The following KIF19 variants were observed in gnomAD, a reference collection of about 807,000 sequenced individuals.
The protein encoded by KIF19 is kinesin-like protein KIF19.
KIF19 carries 98 observed loss-of-function variants against 106.6 expected under a neutral mutation model. That is an observed-to-expected ratio of 0.92 (90% CI 0.78 to 1.09). KIF19 has a LOEUF of 1.09. Ranked by LOEUF, KIF19 falls within the 50% of genes least tolerant of loss-of-function variation. The pLI, the probability that KIF19 is intolerant of heterozygous loss-of-function variation, is 0.00. For missense variants in KIF19, 1,373 were observed against 1,414.3 expected (o/e 0.97, Z 0.47); for synonymous variants, 516 against 584.2 (o/e 0.88, Z 1.68).
chr17:74,326,653 G>T (rs1023395157), intron 1 of KIF19, among the ~76,000 whole-genome samples: 1 of 151,190 alleles, frequency 6.6e-6, no homozygotes, highest in Admixed American at 6.6e-5. Context: ...GGGAGATCCC[G>T]CCCCCAAAGC....
At chr17:74,350,638 C>G (rs886980142) in intron 11 of KIF19, 63 bp downstream of exon 11, 1 of 1,609,636 alleles carries the variant, frequency 6.2e-7, no homozygotes, top group Non-Finnish European at 8.5e-7. Context: ...GGAGCACGAC[C>G]TGTGGCTGTA....
intron 17 of KIF19, among the ~76,000 whole-genome samples, 169 bp from the exon 18 acceptor site, chr17:74,353,993 A>T (rs1364279199): frequency 1.3e-5 from 2 of 152,248 alleles, no homozygotes; most frequent in Non-Finnish European, 2.9e-5. Flanking sequence ...CCATTTGCAG[A>T]TGAAAGTGAG....
At chr17:74,340,559 A>G (rs1331233750) in intron 2 of KIF19, among the ~76,000 whole-genome samples, 3 of 148,526 alleles carry the variant, frequency 2.0e-5, no homozygotes, top group African/African-American at 7.6e-5. Context: ...GCGCGCGTAC[A>G]CACACACACA....
intron 17 of KIF19, among the ~76,000 whole-genome samples, 172 bp from the exon 18 acceptor site, chr17:74,353,990 C>T (rs929132151): frequency 6.6e-6 from 1 of 152,212 alleles, no homozygotes; most frequent in Admixed American, 6.5e-5. Context: ...CCCCCATTTG[C>T]AGATGAAAGT....
At chr17:74,329,878 G>A (rs184112174) in intron 2 of KIF19, among the ~76,000 whole-genome samples, 4 of 152,336 alleles carry the variant, frequency 2.6e-5, no homozygotes, top group East Asian at 1.9e-4. Context: ...AAAGGCACAC[G>A]TGAGCACCTG....
chr17:74,339,893 C>A (rs2054316317), intron 2 of KIF19, among the ~76,000 whole-genome samples: 1 of 152,188 alleles, frequency 6.6e-6, no homozygotes, highest in Admixed American at 6.5e-5. Flanking sequence ...ATCCCAGTGA[C>A]CTTCTCCACG....
At chr17:74,345,405 G>A (rs1029984885) in intron 7 of KIF19, among the ~76,000 whole-genome samples, 22 of 152,220 alleles carry the variant, frequency 1.4e-4, no homozygotes, top group Admixed American at 8.5e-4. Flanking sequence ...CACATCCTGG[G>A]AGAGGACCCA....
chr17:74,341,888 A>C lies in KIF19; in HGVS notation c.133A>C (p.Met45Leu), dbSNP rs1388199802. ...GGGGACCTTGCAGATGGTGGTTCTC[A>C]TGGACCCAATGGAGGATCCCGACGA... ...HKVDEQMVVL[M>L]DPMEDPDDIL... is the part of the protein sequence containing the mutation. The change falls in exon 3 of 20, where the codon ATG becomes CTG. Residue 45 changes from methionine to leucine, a missense_variant. Met to Leu is a conservative substitution (Grantham distance 15, BLOSUM62 2). Coordinates refer to ENST00000389916, the MANE Select transcript of KIF19 (RefSeq NM_153209.4). The C allele has an allele frequency of 6.2e-7, 1 of 1,613,628 alleles. No homozygotes were observed. The highest frequency in any genetic ancestry group is 8.5e-7 in the Non-Finnish European group (1 of 1,179,710).
At position 74,331,732 on chromosome 17, in the gene KIF19, G is replaced by A. The variant is rs559459067; in HGVS notation, c.120+3227G>A. 9.9e-5 allele frequency among the ~76,000 whole-genome samples: 15 copies of A among 152,042 alleles called. No individual in the cohort carries two copies. Among genetic ancestry groups the A allele is most frequent in the East Asian group, 3.9e-4 (2 of 5,148 alleles). ...GCTGGGATTACGGGCGCGCGCCACC[G>A]TGCCCAGCTAATTTTTGTAATTTTA... On this transcript the variant is annotated intron_variant, in intron 2 of 19. Transcript: ENST00000389916. This position sits in a 1 kb window ranked among gnomAD's most constrained non-coding sequence, Gnocchi z 4.1.
intron 1 of KIF19, 132 bp from the exon 2 acceptor site, chr17:74,328,293 T>G: frequency 1.4e-6 from 1 of 728,596 alleles, no homozygotes; most frequent in Non-Finnish European, 2.3e-6. Context: ...CTGACCTAGG[T>G]AGAGTTTTAC....
At position 74,351,904 on chromosome 17, in the gene KIF19, G is replaced by A. The variant is rs138800256; in HGVS notation, c.1625G>A (p.Arg542Gln). 156 of 1,416,014 alleles carry A rather than the reference G, an allele frequency of 1.1e-4. 1 individual carries two copies. The highest frequency in any genetic ancestry group is 3.5e-4 in the Admixed American group (11 of 31,342). 87.7% of individuals were successfully genotyped at this position (1,416,014 alleles called of 1,614,324 possible). A position where few individuals can be genotyped will look rare whatever the true frequency, so the allele number is the denominator to read the frequency against. Residue 542 changes from arginine (R) to glutamine (Q), a missense_variant, in exon 13 of 20, where the codon CGG becomes CAG. This residue lies in a region of KIF19 where 1,020 missense variants were observed against 1,008.2 expected (regional missense o/e 1.01). Transcript: ENST00000389916. ...CAGCGCTGCCGGGAGCTGCGCGCGC[G>A]GGGCCGGCGCCTGGAGGAGACGCTG... ...LEQRCRELRA[R>Q]GRRLEETLPR...
Position 74,343,103 on chromosome 17 carries a change from T to A in KIF19, c.399T>A (p.Arg133=). ...IYVQTLNDLF[R]AIEETSNDME... Reference sequence around the variant, plus strand: ...TTCAGACCCTCAACGACCTCTTCCGTGCCATCGAGGAGACCAGCAATGACA... The same window carrying A: ...TTCAGACCCTCAACGACCTCTTCCGAGCCATCGAGGAGACCAGCAATGACA... The change falls in exon 5 of 20, where the codon CGT becomes CGA. Residue 133 remains arginine, a synonymous_variant. Transcript: ENST00000389916. The A allele has an allele frequency of 6.2e-7, 1 of 1,613,256 alleles. No homozygotes were observed. Among genetic ancestry groups the A allele is most frequent in the Non-Finnish European group, 8.5e-7 (1 of 1,179,798 alleles).
rs2054540164 is a variant in KIF19 at position 74,346,666 on chromosome 17, A to G, written c.924+142A>G. The G allele has an allele frequency of 2.7e-6, 2 of 746,636 alleles. No homozygotes were observed. The highest frequency in any genetic ancestry group is 4.3e-6 in the Non-Finnish European group (2 of 461,060). 46.3% of individuals were successfully genotyped at this position (746,636 alleles called of 1,614,324 possible). ...ATTTTAGCGTAAATATGTCCCATGA[A>G]ATATTTGGGATATTCTTATGCTAAA... On this transcript the variant is annotated intron_variant, in intron 8 of 19. Transcript: ENST00000389916. This position sits in a 1 kb window ranked among gnomAD's most constrained non-coding sequence, Gnocchi z 4.6.
chr17:74,344,255 C>T lies in KIF19; in HGVS notation c.489C>T (p.Asn163=). The T allele has an allele frequency of 1.2e-6, 2 of 1,612,964 alleles. No individual in the cohort carries two copies. The highest frequency in any genetic ancestry group is 1.7e-6 in the Non-Finnish European group (2 of 1,179,688). Residue 163 remains asparagine, a synonymous_variant, in exon 6 of 20, where the codon AAC becomes AAT. Coordinates refer to ENST00000389916, the MANE Select transcript of KIF19 (RefSeq NM_153209.4). The stretch of plus-strand genomic sequence containing the variant: ...ATGAGATGATCCGGGACCTGCTGAA[C>T]CCCTCCCTGGGCTACCTGGAGCTGC... ...IYNEMIRDLL[N]PSLGYLELRE... is the part of the protein sequence containing the mutation.
chr17:74,345,326 CAATG>C (rs1438181130), intron 7 of KIF19, among the ~76,000 whole-genome samples: 18 of 152,062 alleles, frequency 1.2e-4, no homozygotes, highest in African/African-American at 4.3e-4. Context: ...TCCAGGAAGA[CAATG>C]AATGGGCCCA....
rs2053905588 is a variant in KIF19, at chr17:74,326,349, C to T, written c.-1C>T. ...CCTGAGCCCCTCCACCTGCTGCAAT[C>T]ATGAAGGACAGCGGGGACTCCAAGG... is the stretch of plus-strand genomic sequence containing the variant. On this transcript the variant is annotated 5_prime_UTR_variant, in exon 1 of 20. Transcript: ENST00000389916. The T allele has an allele frequency of 6.2e-7, 1 of 1,611,702 alleles. No individual in the cohort carries two copies. Among genetic ancestry groups the T allele is most frequent in the East Asian group, 2.3e-5 (1 of 44,352 alleles).
Position 74,351,886 on chromosome 17 carries a change from G to A in KIF19, c.1607G>A (p.Cys536Tyr), listed in dbSNP as rs1466653834. The A allele has an allele frequency of 7.1e-7, 1 of 1,407,278 alleles. No individual in the cohort carries two copies. The highest frequency in any genetic ancestry group is 3.3e-5 in the Admixed American group (1 of 30,636). 87.2% of individuals were successfully genotyped at this position (1,407,278 alleles called of 1,614,324 possible). Residue 536 changes from cysteine to tyrosine, a missense_variant, in exon 13 of 20, where the codon TGC becomes TAC. Transcript: ENST00000389916. The part of the protein sequence containing the change: ...RKQKLALEQR[C>Y]RELRARGRRL... ...CTGCAGCTGGCGCTGGAGCAGCGCT[G>A]CCGGGAGCTGCGCGCGCGGGGCCGG...
intron 2 of KIF19, among the ~76,000 whole-genome samples, chr17:74,339,538 CAATGAG>C (rs1288021015): frequency 6.7e-6 from 1 of 149,606 alleles, no homozygotes. Flanking sequence ...AAGAGGGGAC[CAATGAG>C]ACACCCATTC....
Position 74,349,275 on chromosome 17 carries a change from G to T in KIF19, c.1139G>T (p.Arg380Leu). ...DLRGEIQRLK[R>L]KIDEQTGRGQ... is the part of the protein sequence containing the mutation. ...CGGGGCGAGATCCAGCGACTCAAGCGCAAGATTGATGAGCAGACTGGGCGG... is the reference window on the plus strand; with the variant it reads ...CGGGGCGAGATCCAGCGACTCAAGCTCAAGATTGATGAGCAGACTGGGCGG... The change falls in exon 10 of 20, where the codon CGC (arginine) becomes CTC (leucine). Residue 380 changes from arginine (R) to leucine (L), a missense_variant. This residue lies in a region of KIF19 where 1,020 missense variants were observed against 1,008.2 expected (regional missense o/e 1.01). Transcript: ENST00000389916. 3.1e-6 allele frequency: 5 copies of T among 1,613,296 alleles called. No individual in the cohort carries two copies. Among genetic ancestry groups the T allele is most frequent in the Non-Finnish European group, 4.2e-6 (5 of 1,179,742 alleles).
Sources: allele counts gnomAD v4.1 joint callset (sites outside exome capture counted in the v4.1 genomes callset), GRCh38; gene constraint gnomAD v4.1.1; regional missense constraint gnomAD v4.1.1; non-coding constraint Gnocchi (gnomAD v3.1); transcripts MANE v1.5; gene names NCBI Gene and HGNC (gene_info 2026-07-23, HGNC 2026-07-21).